The following ASIC2 variants were observed in gnomAD, a reference collection of about 807,000 sequenced individuals.
ASIC2 encodes acid sensing ion channel subunit 2, also known as acid-sensing ion channel 2.
ASIC2 carries 25 observed loss-of-function variants against 57.3 expected under a neutral mutation model. That is an observed-to-expected ratio of 0.44 (90% CI 0.32 to 0.61). ASIC2 has a LOEUF of 0.61. Among genes scored for constraint, ASIC2 ranks in the 20% least tolerant of loss-of-function variants. The pLI, the probability that ASIC2 is intolerant of heterozygous loss-of-function variation, is 0.06. For missense variants in ASIC2, 641 were observed against 738.1 expected (o/e 0.87, Z 1.52); for synonymous variants, 319 against 307.5 (o/e 1.04, Z -0.39).
At chr17:33,126,880 A>G (rs1206580373) in intron 1 of ASIC2, among the ~76,000 whole-genome samples, 5 of 9,288 alleles carry the variant, frequency 5.4e-4, no homozygotes, top group Non-Finnish European at 1.0e-3. Context: ...TTTTTTTTTG[A>G]GACGGAGTCT....
chr17:33,174,159 C>A, intron 1 of ASIC2, among the ~76,000 whole-genome samples: 1 of 152,106 alleles, frequency 6.6e-6, no homozygotes, highest in Admixed American at 6.5e-5. Context: ...CGGTGGTTCA[C>A]GCCTGTAATC....
At chr17:33,037,421 C>T (rs1163410607) in intron 3 of ASIC2, among the ~76,000 whole-genome samples, 2 of 123,208 alleles carry the variant, frequency 1.6e-5, no homozygotes, top group African/African-American at 3.2e-5. Context: ...TTGCAGAGGT[C>T]ATGATTCAGA....
At chr17:34,052,444 A>G (rs1431244237) in intron 1 of ASIC2, among the ~76,000 whole-genome samples, 1 of 152,012 alleles carries the variant, frequency 6.6e-6, no homozygotes, top group Admixed American at 6.6e-5. Flanking sequence ...GGCAAGTGGG[A>G]GTCTACACGG....
intron 1 of ASIC2, among the ~76,000 whole-genome samples, chr17:33,674,855 G>A (rs1907764228): frequency 6.6e-6 from 1 of 152,182 alleles, no homozygotes; most frequent in Admixed American, 6.5e-5. Flanking sequence ...CCCTGCATTT[G>A]TGGTCTGAGC....
Position 33,465,045 on chromosome 17 carries a change from C to T in ASIC2, c.556-352978G>A, listed in dbSNP as rs999919457. ...GGGCATAAGACACCAGGATAAAAGG[C>T]AGGAAATTGCTCTATTCTTTATGCA... On this transcript the variant is annotated intron_variant, in intron 1 of 9. Transcript: ENST00000359872. Among the ~76,000 whole-genome samples, 20 of 152,092 alleles carry T rather than the reference C, an allele frequency of 1.3e-4. 1 individual carries two copies. In the East Asian group the frequency reaches 2.1e-3, roughly 16 times the overall value.
intron 1 of ASIC2, among the ~76,000 whole-genome samples, chr17:33,669,841 T>G (rs150748966): frequency 6.6e-6 from 1 of 152,280 alleles, no homozygotes; most frequent in Non-Finnish European, 1.5e-5. Flanking sequence ...CCTGCCTGTT[T>G]AGACAAAGCA....
rs564816932 is a variant in ASIC2, at chr17:33,651,023, T to C, written c.555+504955A>G. ...CAGGATCTCTCTGCATTATCTCTTA[T>C]TATTTCTTATAGCTGCATGTAAATC... On this transcript the variant is annotated intron_variant, in intron 1 of 9. Coordinates refer to the ASIC2 transcript ENST00000359872. 6.6e-5 allele frequency among the ~76,000 whole-genome samples: 10 copies of C among 152,354 alleles called. No individual in the cohort carries two copies. In the South Asian group the frequency reaches 1.2e-3, roughly 19 times the overall value.
At chr17:33,289,816 A>C (rs1905346145) in intron 1 of ASIC2, among the ~76,000 whole-genome samples, 1 of 152,224 alleles carries the variant, frequency 6.6e-6, no homozygotes, top group African/African-American at 2.4e-5. Context: ...GCCATGCTGT[A>C]AAACTTGGAG....
At chr17:33,111,845 T>C (rs1401457382) in intron 2 of ASIC2, 72 bp downstream of exon 2, 1 of 1,538,300 alleles carries the variant, frequency 6.5e-7, no homozygotes, top group Admixed American at 1.9e-5. Context: ...CCAAGACAGC[T>C]CACCAGCCTT....
chr17:34,028,519 T>C (rs1907462212), intron 1 of ASIC2, among the ~76,000 whole-genome samples: 1 of 152,224 alleles, frequency 6.6e-6, no homozygotes, highest in African/African-American at 2.4e-5. Flanking sequence ...CCTTGCTTCA[T>C]ACACATTCAC....
intron 6 of ASIC2, 133 bp downstream of exon 6, chr17:33,023,728 C>T: frequency 8.2e-7 from 1 of 1,215,274 alleles, no homozygotes; most frequent in Non-Finnish European, 1.2e-6. Context: ...CAGAGCGTGA[C>T]ACACAGAGGG....
chr17:33,981,969 A>G (rs1905642689), intron 1 of ASIC2, among the ~76,000 whole-genome samples: 3 of 152,222 alleles, frequency 2.0e-5, no homozygotes, highest in Non-Finnish European at 4.4e-5. Flanking sequence ...AATTGGCACC[A>G]ACCGGAAGGT....
At chr17:33,280,265 T>C (rs1161139104) in intron 1 of ASIC2, among the ~76,000 whole-genome samples, 1 of 152,186 alleles carries the variant, frequency 6.6e-6, no homozygotes, top group African/African-American at 2.4e-5. Flanking sequence ...TGCAGTCATG[T>C]TTCCCCGGCT....
intron 1 of ASIC2, among the ~76,000 whole-genome samples, chr17:33,905,288 T>C (rs1373341411): frequency 6.6e-6 from 1 of 152,132 alleles, no homozygotes; most frequent in Non-Finnish European, 1.5e-5. Context: ...AGCTCCTGCT[T>C]TTCTGACTGC....
intron 1 of ASIC2, among the ~76,000 whole-genome samples, chr17:34,107,719 T>C (rs1221583161): frequency 2.0e-5 from 3 of 152,246 alleles, no homozygotes; most frequent in South Asian, 2.1e-4. Flanking sequence ...CTCAAAATAG[T>C]TTGTTCTTTA....
chr17:33,363,507 GA>G (rs1908689504), intron 1 of ASIC2, among the ~76,000 whole-genome samples: 1 of 152,216 alleles, frequency 6.6e-6, no homozygotes, highest in African/African-American at 2.4e-5. Flanking sequence ...CTTTGTTCAT[GA>G]GGCAGTGTTT....
At chr17:33,744,276 G>A (rs1361114807) in intron 1 of ASIC2, among the ~76,000 whole-genome samples, 2 of 152,156 alleles carry the variant, frequency 1.3e-5, no homozygotes, top group East Asian at 3.8e-4. Flanking sequence ...AATTTAAATG[G>A]ACCAAACTGC....
chr17:34,111,368 C>A (rs1419489091), intron 1 of ASIC2, among the ~76,000 whole-genome samples: 1 of 149,894 alleles, frequency 6.7e-6, no homozygotes, highest in South Asian at 2.1e-4. Flanking sequence ...AAAACAGATT[C>A]TGGGTCTGTG....
chr17:33,676,731 A>G (rs1337299091), intron 1 of ASIC2, among the ~76,000 whole-genome samples: 1 of 152,262 alleles, frequency 6.6e-6, no homozygotes, highest in Non-Finnish European at 1.5e-5. Flanking sequence ...GCTGATGTAG[A>G]AGCTGCAGCA....
Sources: gnomAD v4.1 joint callset for allele counts (sites outside exome capture counted in the v4.1 genomes callset) on GRCh38, gnomAD v4.1.1 for gene constraint, MANE v1.5 for transcripts, NCBI Gene and HGNC (gene_info 2026-07-23, HGNC 2026-07-21) for gene names.